Variants in ANKRD50 observed in about 807,000 individuals in gnomAD.
ANKRD50 encodes the protein ankyrin repeat domain 50, also known as ankyrin repeat domain-containing protein 50.
A neutral mutation model predicts 112.0 loss-of-function variants in ANKRD50; 40 were observed. The observed-to-expected ratio is 0.36, with a 90% CI of 0.28 to 0.46. ANKRD50 has a LOEUF of 0.46. Ranked by LOEUF, ANKRD50 falls within the 20% of genes least tolerant of loss-of-function variation. The pLI is 1.00. For missense variants in ANKRD50, 1,487 were observed against 1,701.7 expected (o/e 0.87, Z 2.22); for synonymous variants, 613 against 619.1 (o/e 0.99, Z 0.15).
rs369446411 is a variant in ANKRD50 at position 124,671,754 on chromosome 4, T to G, written c.1523A>C (p.Asn508Thr). The G allele has an allele frequency of 6.2e-7, 1 of 1,613,918 alleles. No individual in the cohort carries two copies. The highest frequency in any genetic ancestry group is 1.7e-5 in the Admixed American group (1 of 59,976). The change falls in exon 4 of 5, where the codon AAC becomes ACC. Residue 508 changes from asparagine (N) to threonine (T), a missense_variant. By Grantham distance (65) the Asn-to-Thr change is moderately conservative (BLOSUM62 0). Transcript: ENST00000504087. ...QLLVKAGAHV[N>T]SEDDRTSCIV... ...GCATGATGTGCGATCGTCTTCACTGTTGACATGAGCCCCAGCTTTAACCAA... is the reference window on the plus strand; with the variant it reads ...GCATGATGTGCGATCGTCTTCACTGGTGACATGAGCCCCAGCTTTAACCAA...
intron 2 of ANKRD50, among the ~76,000 whole-genome samples, chr4:124,682,596 C>A (rs1560823769): frequency 1.3e-5 from 2 of 151,840 alleles, no homozygotes; most frequent in Non-Finnish European, 2.9e-5. Flanking sequence ...CTGTTATGTC[C>A]TCTTAAGTAA....
chr4:124,693,656 T>TA (rs1725185877), intron 2 of ANKRD50, among the ~76,000 whole-genome samples: 1 of 152,152 alleles, frequency 6.6e-6, no homozygotes, highest in Non-Finnish European at 1.5e-5. Flanking sequence ...TATCTGTATA[T>TA]TTTTCCTACA....
At chr4:124,704,211 T>A (rs1249337611) in intron 2 of ANKRD50, among the ~76,000 whole-genome samples, 1 of 152,216 alleles carries the variant, frequency 6.6e-6, no homozygotes, top group Non-Finnish European at 1.5e-5. Context: ...TGAATAGTAA[T>A]GGGACTTTAG....
At position 124,670,848 on chromosome 4, in the gene ANKRD50, A is replaced by G. The variant is rs1263952818; in HGVS notation, c.2429T>C (p.Ile810Thr). Reference protein sequence around the residue: ...LLFWGAAVDSIDSEGRTVLSI... With the variant: ...LLFWGAAVDSTDSEGRTVLSI... ...GAGGACTGTCCTACCTTCACTATCAATACTATCCACAGCTGCACCCCAAAA... is the reference window on the plus strand; with the variant it reads ...GAGGACTGTCCTACCTTCACTATCAGTACTATCCACAGCTGCACCCCAAAA... The change falls in exon 4 of 5, where the codon ATT becomes ACT. Residue 810 changes from isoleucine (I) to threonine (T), a missense_variant. Ile to Thr is a moderately conservative substitution (Grantham distance 89). This residue lies in a region of ANKRD50 where 1,046 missense variants were observed against 1,269.5 expected (regional missense o/e 0.82). Transcript: ENST00000504087. 4 of 1,613,806 alleles carry G rather than the reference A, an allele frequency of 2.5e-6. No homozygotes were observed. Among genetic ancestry groups the G allele is most frequent in the Non-Finnish European group, 3.4e-6 (4 of 1,179,870 alleles).
chr4:124,681,525 G>A lies in ANKRD50; in HGVS notation c.513-2620C>T, dbSNP rs1472119044. On this transcript the variant is annotated intron_variant, in intron 2 of 4. Coordinates refer to ENST00000504087, the MANE Select transcript of ANKRD50 (RefSeq NM_020337.3). ...CTAGTCCTGGGCACATCATAGTGGG[G>A]GTCAACCTAGTCTCCACTCTTAGCC... Among the ~76,000 whole-genome samples the A allele has an allele frequency of 2.6e-5, 4 of 152,036 alleles. No individual in the cohort carries two copies. The South Asian group carries it at 6.2e-4, about 24-fold the overall frequency.
chr4:124,667,100 A>T lies in ANKRD50; in HGVS notation c.*418T>A, dbSNP rs2110504879. 1 of 152,140 alleles carries T rather than the reference A, an allele frequency of 6.6e-6. No individual in the cohort carries two copies. The highest frequency in any genetic ancestry group is 2.4e-5 in the African/African-American group (1 of 41,552). The allele number at this position is 152,140 out of a possible 1,614,324, so 9.4% of individuals were successfully genotyped here. A position where few individuals can be genotyped will look rare whatever the true frequency, so the allele number is the denominator to read the frequency against. Reference sequence around the variant, plus strand: ...TACAATGCAATGTGACTGAAACAGTATGTTTAAGTTTCTTTTGCCACAAAA... The same window carrying T: ...TACAATGCAATGTGACTGAAACAGTTTGTTTAAGTTTCTTTTGCCACAAAA... On this transcript the variant is annotated 3_prime_UTR_variant, in exon 5 of 5. Coordinates refer to ENST00000504087, the MANE Select transcript of ANKRD50 (RefSeq NM_020337.3).
At chr4:124,675,733 G>A (rs1323424367) in intron 3 of ANKRD50, among the ~76,000 whole-genome samples, 1 of 151,678 alleles carries the variant, frequency 6.6e-6, no homozygotes, top group African/African-American at 2.4e-5. Context: ...TAAAAATCTT[G>A]GAGGGTTAAT....
At chr4:124,707,779 T>C (rs1578596709) in intron 2 of ANKRD50, among the ~76,000 whole-genome samples, 1 of 152,286 alleles carries the variant, frequency 6.6e-6, no homozygotes, top group East Asian at 1.9e-4. Flanking sequence ...CACACAGCTC[T>C]AATTGCTTCT....
chr4:124,708,143 C>T (rs532138978), intron 2 of ANKRD50, among the ~76,000 whole-genome samples: 1 of 152,114 alleles, frequency 6.6e-6, no homozygotes, highest in Non-Finnish European at 1.5e-5. Context: ...TGCTCTGCCA[C>T]TAGTATCTTC....
chr4:124,702,950 T>C (rs1172276861), intron 2 of ANKRD50, among the ~76,000 whole-genome samples: 1 of 151,868 alleles, frequency 6.6e-6, no homozygotes, highest in Non-Finnish European at 1.5e-5. Flanking sequence ...GACTACCAAG[T>C]GAAAGGATAC....
intron 2 of ANKRD50, among the ~76,000 whole-genome samples, chr4:124,699,177 A>G (rs1046948673): frequency 1.3e-5 from 2 of 151,948 alleles, no homozygotes; most frequent in Admixed American, 1.3e-4. Context: ...TGAATTAGAA[A>G]GGATACCCAG....
At chr4:124,696,238 A>C (rs1229781500) in intron 2 of ANKRD50, among the ~76,000 whole-genome samples, 1 of 152,110 alleles carries the variant, frequency 6.6e-6, no homozygotes, top group Non-Finnish European at 1.5e-5. Context: ...AATATTTGAC[A>C]TTAGGAACCC....
chr4:124,687,671 T>G (rs1442486143), intron 2 of ANKRD50, among the ~76,000 whole-genome samples: 1 of 152,100 alleles, frequency 6.6e-6, no homozygotes, highest in Non-Finnish European at 1.5e-5. Flanking sequence ...CTCAAAACAC[T>G]AAGAAAACAA....
At chr4:124,673,648 C>A (rs1053254868) in intron 3 of ANKRD50, among the ~76,000 whole-genome samples, 1 of 152,062 alleles carries the variant, frequency 6.6e-6, no homozygotes, top group African/African-American at 2.4e-5. Flanking sequence ...AAAGCTGACA[C>A]TAACTTGTGG....
chr4:124,694,546 T>G (rs374356244), intron 2 of ANKRD50, among the ~76,000 whole-genome samples: 1 of 152,140 alleles, frequency 6.6e-6, no homozygotes, highest in East Asian at 1.9e-4. Flanking sequence ...GGCTCACTGT[T>G]TGGAACTAGG....
At chr4:124,682,482 AG>A (rs1372577075) in intron 2 of ANKRD50, among the ~76,000 whole-genome samples, 1 of 152,204 alleles carries the variant, frequency 6.6e-6, no homozygotes, top group Non-Finnish European at 1.5e-5. Context: ...GTTGTTAAAA[AG>A]GGAGTGTTAA....
intron 4 of ANKRD50, among the ~76,000 whole-genome samples, chr4:124,668,243 T>C (rs1730544826): frequency 6.6e-6 from 1 of 152,016 alleles, no homozygotes; most frequent in African/African-American, 2.4e-5. Flanking sequence ...ATATGACTAT[T>C]TTATCCAGGT....
In ANKRD50 at chr4:124,670,123, C is replaced by T. The variant is rs756600446; in HGVS notation, c.3154G>A (p.Ala1052Thr). The change falls in exon 4 of 5, where the codon GCA becomes ACA. Residue 1052 changes from alanine to threonine, a missense_variant. Ala to Thr is a moderately conservative substitution (Grantham distance 58). Transcript: ENST00000504087. ...CNQGATALCI[A>T]AQEGHIDVVQ... ...ACATCAATGTGCCCTTCCTGGGCTG[C>T]AATACAGAGTGCAGTTGCACCTTGG... 6.2e-7 allele frequency: 1 copy of T among 1,613,274 alleles called. No individual in the cohort carries two copies. The highest frequency in any genetic ancestry group is 8.5e-7 in the Non-Finnish European group (1 of 1,179,712).
chr4:124,678,644 A>C lies in ANKRD50; in HGVS notation c.742+32T>G. ...AGAAACTAGTTCATTAATGAAAAGC[A>C]TTTAAGGATGGCAGTAAGTAATTAT... is the stretch of plus-strand genomic sequence containing the variant. On this transcript the variant is annotated intron_variant, in intron 3 of 4. Transcript: ENST00000504087. 3 of 1,578,196 alleles carry C rather than the reference A, an allele frequency of 1.9e-6. No homozygotes were observed. The South Asian group carries it at 3.4e-5, about 18-fold the overall frequency.
Sources: gnomAD v4.1 joint callset for allele counts (sites outside exome capture counted in the v4.1 genomes callset) on GRCh38, gnomAD v4.1.1 for gene constraint, gnomAD v4.1.1 regional missense constraint, MANE v1.5 for transcripts, NCBI Gene and HGNC (gene_info 2026-07-23, HGNC 2026-07-21) for gene names.